DEPDC5: variants seen among roughly 807,000 people sequenced by gnomAD.
DEPDC5 encodes the protein DEP domain containing 5, GATOR1 subcomplex subunit, also known as GATOR1 complex protein DEPDC5.
DEPDC5 carries 73 observed loss-of-function variants against 217.3 expected under a neutral mutation model. That is an observed-to-expected ratio of 0.34 (90% CI 0.28 to 0.41). DEPDC5 has a LOEUF of 0.41. Ranked by LOEUF, DEPDC5 falls within the 10% of genes least tolerant of loss-of-function variation. The probability of loss-of-function intolerance (pLI) is 1.00; values close to 1 mark genes in which losing one functional copy is unlikely to be tolerated. For missense variants in DEPDC5, 1,675 were observed against 2,070.1 expected (o/e 0.81, Z 3.70); for synonymous variants, 733 against 756.7 (o/e 0.97, Z 0.51).
chr22:31,801,866 T>C (rs976187301), intron 14 of DEPDC5, among the ~76,000 whole-genome samples: 3 of 152,176 alleles, frequency 2.0e-5, no homozygotes, highest in South Asian at 2.1e-4. Flanking sequence ...TATTAGTAAA[T>C]CTTCTTGTCA....
rs2093675129 is a variant in DEPDC5 at position 31,902,854 on chromosome 22, A to AT, written c.4436+1052_4436+1053insT. On this transcript the variant is annotated intron_variant, in intron 41 of 42. Transcript: ENST00000651528. ...GAGCCCTCAGTAGACAGCAGTCACC[A>AT]GGGGGGACCCTGCTAACTCACGAGT... 2.6e-5 allele frequency among the ~76,000 whole-genome samples: 4 copies of AT among 152,174 alleles called. No individual in the cohort carries two copies. The South Asian group carries it at 8.3e-4, about 32-fold the overall frequency.
intron 12 of DEPDC5, among the ~76,000 whole-genome samples, chr22:31,793,174 C>T (rs947015948): frequency 2.6e-5 from 4 of 152,144 alleles, no homozygotes; most frequent in Non-Finnish European, 4.4e-5. Context: ...CCTGCATGGT[C>T]TTTGCTCTGT....
rs2093765206 is a variant in DEPDC5 at position 31,906,674 on chromosome 22, GTCT to G, written c.*181_*183del. The G allele has an allele frequency of 4.9e-5, 40 of 809,446 alleles. No homozygotes were observed. The South Asian group carries it at 7.1e-4, about 14-fold the overall frequency. The allele number at this position is 809,446 out of a possible 1,614,324, so 50.1% of individuals were successfully genotyped here. On this transcript the variant is annotated 3_prime_UTR_variant, in exon 43 of 43. Coordinates refer to ENST00000651528, the MANE Select transcript of DEPDC5 (RefSeq NM_001242896.3). This position sits in a 1 kb window ranked among gnomAD's most constrained non-coding sequence, Gnocchi z 5.1. ...TGTTTGTTTTTGGCCCCCACGACAA[GTCT>G]TCTACTCTAGAAGAAAGACTTTGGA...
intron 38 of DEPDC5, among the ~76,000 whole-genome samples, chr22:31,892,804 C>A (rs545236325): frequency 6.6e-6 from 1 of 151,970 alleles, no homozygotes; most frequent in East Asian, 1.9e-4. Flanking sequence ...AATCCATAAA[C>A]CTACATTGAC....
intron 40 of DEPDC5, among the ~76,000 whole-genome samples, chr22:31,898,037 T>C (rs1247909114): frequency 6.6e-6 from 1 of 152,094 alleles, no homozygotes; most frequent in Non-Finnish European, 1.5e-5. Flanking sequence ...ACGGGAGACT[T>C]GCATATGCTA....
intron 7 of DEPDC5, chr22:31,769,261 A>G (rs75643581): frequency 1.3e-5 from 2 of 148,316 alleles, no homozygotes; most frequent in African/African-American, 4.9e-5. Context: ...CTCCGTCTCA[A>G]AAAAAAAAAA....
At chr22:31,835,111 A>G (rs1335725660) in intron 25 of DEPDC5, among the ~76,000 whole-genome samples, 3 of 152,198 alleles carry the variant, frequency 2.0e-5, no homozygotes, top group Non-Finnish European at 2.9e-5. Flanking sequence ...CGGGCAATAT[A>G]GTGAGACCCT....
intron 11 of DEPDC5, 121 bp downstream of exon 11, chr22:31,792,223 A>T: frequency 1.4e-6 from 1 of 709,594 alleles, no homozygotes; most frequent in African/African-American, 1.8e-5. Flanking sequence ...CTTTTCTGTT[A>T]TGGGGACAGT....
intron 38 of DEPDC5, among the ~76,000 whole-genome samples, chr22:31,883,370 C>A (rs2093227498): frequency 6.6e-6 from 1 of 152,128 alleles, no homozygotes; most frequent in Admixed American, 6.6e-5. Flanking sequence ...ATGGTCAGAG[C>A]TGGAGCTGAG....
chr22:31,891,089 G>A, intron 38 of DEPDC5: 1 of 336,804 alleles, frequency 3.0e-6, no homozygotes, highest in Non-Finnish European at 5.8e-6. Context: ...TAATACCACA[G>A]AACAACACAA....
At position 31,804,229 on chromosome 22, in the gene DEPDC5, T is replaced by C. The variant is rs746751382; in HGVS notation, c.1143+6T>C. 2 of 1,614,068 alleles carry C rather than the reference T, an allele frequency of 1.2e-6. No individual in the cohort carries two copies. The highest frequency in any genetic ancestry group is 1.7e-6 in the Non-Finnish European group (2 of 1,179,974). On this transcript the variant is annotated splice_donor_region_variant and intron_variant, in intron 16 of 42. Coordinates refer to ENST00000651528, the MANE Select transcript of DEPDC5 (RefSeq NM_001242896.3). ...ATGCTGTCCCATTGTTCAAGGTAAT[T>C]AGATTTCGGATTTGTTTACTAAAGG...
At chr22:31,826,463 C>T (rs1035744805) in intron 24 of DEPDC5, 3 of 432,066 alleles carry the variant, frequency 6.9e-6, no homozygotes, top group East Asian at 8.3e-5. Flanking sequence ...ACTGTGTCCT[C>T]GTGTTCCTTT....
intron 31 of DEPDC5, among the ~76,000 whole-genome samples, chr22:31,848,461 A>C (rs944204482): frequency 6.6e-5 from 10 of 152,206 alleles, no homozygotes; most frequent in African/African-American, 2.2e-4. Flanking sequence ...GCTCAACACC[A>C]CATAGAAGTT....
chr22:31,797,772 A>G, intron 13 of DEPDC5, 69 bp downstream of exon 13: 1 of 1,197,834 alleles, frequency 8.3e-7, no homozygotes, highest in Non-Finnish European at 1.2e-6. Context: ...GAGACAGAGA[A>G]GAGATGTGTG....
At chr22:31,898,815 A>G (rs1223183241) in intron 40 of DEPDC5, among the ~76,000 whole-genome samples, 2 of 152,190 alleles carry the variant, frequency 1.3e-5, no homozygotes, top group Admixed American at 6.5e-5. Context: ...CAGAGGCCCT[A>G]CCTGCTGGGG....
Position 31,766,618 on chromosome 22 carries a change from A to C in DEPDC5, c.313A>C (p.Lys105Gln). 6.2e-7 allele frequency: 1 copy of C among 1,613,970 alleles called. No individual in the cohort carries two copies. The highest frequency in any genetic ancestry group is 8.5e-7 in the Non-Finnish European group (1 of 1,179,972). Residue 105 changes from lysine (K) to glutamine (Q), a missense_variant, in exon 6 of 43, where the codon AAG becomes CAG. Coordinates refer to ENST00000651528, the MANE Select transcript of DEPDC5 (RefSeq NM_001242896.3). ...CCTTGACCTAGTGGAATTAACTTTT[A>C]AGGATCAGTATATTGGCCGTGGGGA... ...VTLDLVELTF[K>Q]DQYIGRGDMW... is the part of the protein sequence containing the mutation.
intron 18 of DEPDC5, among the ~76,000 whole-genome samples, chr22:31,807,791 A>C (rs1354223269): frequency 6.6e-6 from 1 of 152,188 alleles, no homozygotes; most frequent in Non-Finnish European, 1.5e-5. Context: ...TTATGTTTGC[A>C]GGCCCCACAC....
At chr22:31,806,286 C>T (rs1305838390) in intron 18 of DEPDC5, 95 bp downstream of exon 18, 2 of 1,114,884 alleles carry the variant, frequency 1.8e-6, no homozygotes, top group African/African-American at 3.1e-5. Context: ...TTCAGCCTCC[C>T]AAAGTGTTGG....
At chr22:31,848,718 C>T (rs541957190) in intron 31 of DEPDC5, among the ~76,000 whole-genome samples, 3 of 152,178 alleles carry the variant, frequency 2.0e-5, no homozygotes, top group Non-Finnish European at 4.4e-5. Flanking sequence ...CATTAAGCTC[C>T]TCCTTACTTA....
Sources: gnomAD v4.1 joint callset for allele counts (sites outside exome capture counted in the v4.1 genomes callset) on GRCh38, gnomAD v4.1.1 for gene constraint, Gnocchi (gnomAD v3.1) non-coding constraint, MANE v1.5 for transcripts, NCBI Gene and HGNC (gene_info 2026-07-23, HGNC 2026-07-21) for gene names.